Variants in IL1RAPL1 observed in about 807,000 individuals in gnomAD.
The protein encoded by IL1RAPL1 is interleukin-1 receptor accessory protein-like 1.
IL1RAPL1 carries 3 observed loss-of-function variants against 48.4 expected under a neutral mutation model. The ratio of observed to expected loss-of-function variants is 0.06; its 90% CI spans 0.03 to 0.16. IL1RAPL1 has a LOEUF of 0.16. Ranked by LOEUF, IL1RAPL1 falls within the 10% of genes least tolerant of loss-of-function variation. The pLI, the probability that IL1RAPL1 is intolerant of heterozygous loss-of-function variation, is 1.00. For synonymous variants in IL1RAPL1, 185 were observed against 187.7 expected (o/e 0.99, Z 0.12); for missense variants, 349 against 530.6 (o/e 0.66, Z 3.36).
chrX:28,948,542 C>G (rs937623482), intron 2 of IL1RAPL1, among the ~76,000 whole-genome samples: 1 of 111,140 alleles, frequency 9.0e-6, no homozygotes, highest in African/African-American at 3.3e-5. Flanking sequence ...TATCTGAGTG[C>G]CACTGGTCAT....
intron 2 of IL1RAPL1, among the ~76,000 whole-genome samples, chrX:28,961,306 T>A (rs1924770648): frequency 9.0e-6 from 1 of 111,004 alleles, no homozygotes. Flanking sequence ...TTTGGGGAGC[T>A]ATTTTCTCTC....
chrX:28,642,254 G>A (rs979260172), intron 1 of IL1RAPL1, among the ~76,000 whole-genome samples: 1 of 111,154 alleles, frequency 9.0e-6, no homozygotes, highest in Non-Finnish European at 1.9e-5. Context: ...ACAGATCATC[G>A]AGATGGAAAA....
At chrX:29,016,587 A>C (rs1926246299) in intron 2 of IL1RAPL1, among the ~76,000 whole-genome samples, 2 of 111,290 alleles carry the variant, frequency 1.8e-5, no homozygotes, top group South Asian at 7.5e-4. Context: ...CATACAGAAA[A>C]GGAACAAAAT....
intron 2 of IL1RAPL1, among the ~76,000 whole-genome samples, chrX:29,232,298 A>G (rs1931216494): frequency 8.9e-6 from 1 of 112,011 alleles, no homozygotes; most frequent in Admixed American, 9.5e-5. Flanking sequence ...GTAAAATAAA[A>G]CACACATTAT....
intron 1 of IL1RAPL1, among the ~76,000 whole-genome samples, chrX:28,775,818 C>A (rs759673857): frequency 8.9e-6 from 1 of 111,917 alleles, no homozygotes; most frequent in Non-Finnish European, 1.9e-5. Context: ...ATGGCCTTTC[C>A]ATATGTTTTA....
At chrX:28,611,479 A>G (rs1934147100) in intron 1 of IL1RAPL1, among the ~76,000 whole-genome samples, 1 of 112,391 alleles carries the variant, frequency 8.9e-6, no homozygotes, top group Admixed American at 9.4e-5. Context: ...TATATTTCCC[A>G]AAGTGTAAAA....
At chrX:28,725,913 G>A (rs755568242) in intron 1 of IL1RAPL1, among the ~76,000 whole-genome samples, 7 of 112,166 alleles carry the variant, frequency 6.2e-5, no homozygotes, top group Non-Finnish European at 1.1e-4. Context: ...ATTTAGAAAA[G>A]CATCATGTAC....
chrX:29,248,291 C>T (rs958491315), intron 2 of IL1RAPL1, among the ~76,000 whole-genome samples: 3 of 111,029 alleles, frequency 2.7e-5, no homozygotes, highest in African/African-American at 9.8e-5. Flanking sequence ...GTGGCACACG[C>T]CTGTAGTCCC....
Position 29,835,877 on chromosome X carries a change from C to CTT in IL1RAPL1, c.779-81567_779-81566dup, listed in dbSNP as rs763080058. 2.9e-3 allele frequency among the ~76,000 whole-genome samples: 148 copies of CTT among 50,436 alleles called. 2 individuals are homozygous for CTT. Among genetic ancestry groups the CTT allele is most frequent in the African/African-American group, 0.013 (133 of 10,527 alleles). 43.8% of individuals were successfully genotyped at this position (50,436 alleles called of 115,157 possible). On this transcript the variant is annotated intron_variant, in intron 6 of 10. Coordinates refer to ENST00000378993, the MANE Select transcript of IL1RAPL1 (RefSeq NM_014271.4). Reference sequence around the variant, plus strand: ...TTATCTTTGATTTTATTTGAGTCTTCTTTTTTTTTTTTTTTTTTTTTAGTT... The same window carrying CTT: ...TTATCTTTGATTTTATTTGAGTCTTCTTTTTTTTTTTTTTTTTTTTTTTAGTT...
chrX:29,943,273 A>G (rs1933161738), intron 9 of IL1RAPL1, among the ~76,000 whole-genome samples: 1 of 111,912 alleles, frequency 8.9e-6, no homozygotes, highest in African/African-American at 3.2e-5. Context: ...AAAGAAATAT[A>G]AGGACTTTGC....
At chrX:28,749,813 A>C (rs1432438940) in intron 1 of IL1RAPL1, among the ~76,000 whole-genome samples, 2 of 110,660 alleles carry the variant, frequency 1.8e-5, no homozygotes, top group East Asian at 5.6e-4. Flanking sequence ...ATCTAAAAAA[A>C]AATTTGCTCA....
At chrX:29,004,885 T>G (rs1460832384) in intron 2 of IL1RAPL1, among the ~76,000 whole-genome samples, 1 of 111,548 alleles carries the variant, frequency 9.0e-6, no homozygotes, top group African/African-American at 3.3e-5. Context: ...AAACAAATCC[T>G]GTGGTGGCCA....
At chrX:29,759,359 A>G (rs1345913198) in intron 6 of IL1RAPL1, among the ~76,000 whole-genome samples, 1 of 112,002 alleles carries the variant, frequency 8.9e-6, no homozygotes, top group Non-Finnish European at 1.9e-5. Context: ...TGCGTTTTCA[A>G]AATGGTTATT....
At chrX:28,645,347 CAAAAAA>C (rs35814453) in intron 1 of IL1RAPL1, among the ~76,000 whole-genome samples, 19 of 29,054 alleles carry the variant, frequency 6.5e-4, no homozygotes, top group Non-Finnish European at 8.3e-4. Context: ...AATTCCGCCT[CAAAAAA>C]AAAAAAAAAA....
chrX:29,195,628 G>T (rs1366254304), intron 2 of IL1RAPL1, among the ~76,000 whole-genome samples: 1 of 97,521 alleles, frequency 1.0e-5, no homozygotes, highest in African/African-American at 3.9e-5. Context: ...GGCGCCATCT[G>T]GGCTCACTGC....
chrX:29,612,413 TAA>T, intron 5 of IL1RAPL1, among the ~76,000 whole-genome samples: 1 of 101,504 alleles, frequency 9.9e-6, no homozygotes, highest in African/African-American at 3.6e-5. Context: ...CTCATTTTAT[TAA>T]AAAAAAAAAA....
chrX:29,607,941 A>T (rs1485427851), intron 5 of IL1RAPL1, among the ~76,000 whole-genome samples: 4 of 112,504 alleles, frequency 3.6e-5, no homozygotes. Flanking sequence ...TGTCTCAGGG[A>T]CACTTCAAAC....
intron 1 of IL1RAPL1, among the ~76,000 whole-genome samples, chrX:28,731,349 A>T (rs1332229561): frequency 1.8e-5 from 2 of 111,712 alleles, no homozygotes; most frequent in Non-Finnish European, 3.8e-5. Flanking sequence ...TAAAAAGACA[A>T]TGATTGCTAG....
At chrX:29,178,929 G>C (rs1930087488) in intron 2 of IL1RAPL1, among the ~76,000 whole-genome samples, 1 of 111,171 alleles carries the variant, frequency 9.0e-6, no homozygotes, top group Non-Finnish European at 1.9e-5. Context: ...TATTTCTGAG[G>C]GCTCTGTTCT....
Sources: gnomAD v4.1 joint callset for allele counts (sites outside exome capture counted in the v4.1 genomes callset) on GRCh38, gnomAD v4.1.1 for gene constraint, MANE v1.5 for transcripts, NCBI Gene and HGNC (gene_info 2026-07-23, HGNC 2026-07-21) for gene names.